Variants in MYH11 observed in about 807,000 individuals in gnomAD.
MYH11 encodes the protein myosin-11.
In MYH11, 80 loss-of-function variants were observed where a neutral mutation model predicts 246.6. That is an observed-to-expected ratio of 0.32 (90% CI 0.27 to 0.39). The LOEUF (loss-of-function observed/expected upper bound fraction) is 0.39, where lower values mean the gene tolerates loss of function less well. Among genes scored for constraint, MYH11 ranks in the 10% least tolerant of loss-of-function variants. The probability of loss-of-function intolerance (pLI) is 1.00; values close to 1 mark genes in which losing one functional copy is unlikely to be tolerated. For synonymous variants in MYH11, 1,071 were observed against 1,015.5 expected (o/e 1.05, Z -1.04); for missense variants, 2,158 against 2,546.8 (o/e 0.85, Z 3.29).
chr16:15,833,269 C>T (rs890980937), intron 2 of MYH11, among the ~76,000 whole-genome samples: 2 of 150,808 alleles, frequency 1.3e-5, no homozygotes, highest in African/African-American at 4.9e-5. Flanking sequence ...TGTACTCCAG[C>T]CTGGGCAACA....
intron 11 of MYH11, 150 bp downstream of exon 11, chr16:15,760,390 G>A: frequency 1.3e-6 from 1 of 746,224 alleles, no homozygotes; most frequent in Non-Finnish European, 2.4e-6. Context: ...AGATGAATGA[G>A]TGGGTAGAAA....
intron 40 of MYH11, chr16:15,713,322 C>G (rs1182703411): frequency 1.3e-5 from 2 of 152,088 alleles, no homozygotes; most frequent in East Asian, 3.9e-4. Flanking sequence ...GTGCACGTTT[C>G]ATGATCATTT....
At chr16:15,824,560 T>G (rs2043509342) in intron 2 of MYH11, among the ~76,000 whole-genome samples, 1 of 152,106 alleles carries the variant, frequency 6.6e-6, no homozygotes, top group Non-Finnish European at 1.5e-5. Flanking sequence ...GGATTACAGG[T>G]GGGAACCACC....
intron 3 of MYH11, among the ~76,000 whole-genome samples, chr16:15,809,182 T>C (rs2043082646): frequency 6.6e-6 from 1 of 152,194 alleles, no homozygotes; most frequent in Non-Finnish European, 1.5e-5. Context: ...GATGATTCAA[T>C]TCGTATTTAC....
At chr16:15,811,679 T>A (rs139883001) in intron 3 of MYH11, among the ~76,000 whole-genome samples, 318 of 152,034 alleles carry the variant, frequency 2.1e-3, no homozygotes, top group African/African-American at 5.5e-3. Flanking sequence ...GGGCTGCCAA[T>A]CTCAAGCAGA....
At chr16:15,717,015 A>C (rs535772076) in intron 38 of MYH11, 125 bp downstream of exon 38, 1 of 1,013,688 alleles carries the variant, frequency 9.9e-7, no homozygotes, top group East Asian at 2.4e-5. Context: ...CCTGCACTGT[A>C]GGCATCACAG....
intron 20 of MYH11, 150 bp downstream of exon 20, chr16:15,744,979 G>T: frequency 4.4e-6 from 3 of 688,934 alleles, no homozygotes; most frequent in Non-Finnish European, 7.9e-6. Flanking sequence ...GGGCCTCCTC[G>T]GGCCAGAGAA....
intron 1 of MYH11, among the ~76,000 whole-genome samples, chr16:15,844,747 G>A (rs2151388553): frequency 6.6e-6 from 1 of 152,214 alleles, no homozygotes; most frequent in South Asian, 2.1e-4. Flanking sequence ...GCTACTAGGA[G>A]GCTGAGGCAG....
intron 9 of MYH11, among the ~76,000 whole-genome samples, chr16:15,764,097 G>A (rs1318833746): frequency 6.6e-6 from 1 of 152,136 alleles, no homozygotes; most frequent in Non-Finnish European, 1.5e-5. Context: ...GCAAATTACA[G>A]CCCATGGACC....
chr16:15,761,310 A>G (rs1239324382), intron 10 of MYH11, among the ~76,000 whole-genome samples: 1 of 152,010 alleles, frequency 6.6e-6, no homozygotes, highest in East Asian at 1.9e-4. Flanking sequence ...ATGGAGTTAC[A>G]CCGTGTTGCC....
chr16:15,740,198 G>T lies in MYH11; in HGVS notation c.2860-10C>A. ...GCTGTTCTTCAAGGTCCTTTGTTGT[G>T]GAGGGAAAAGAGTAACAGCTTTGGT... On this transcript the variant is annotated splice_polypyrimidine_tract_variant and intron_variant, in intron 22 of 40. Coordinates refer to ENST00000300036, the MANE Select transcript of MYH11 (RefSeq NM_002474.3). The T allele has an allele frequency of 6.2e-7, 1 of 1,614,092 alleles. No individual in the cohort carries two copies.
chr16:15,741,459 T>G lies in MYH11; in HGVS notation c.2859+4A>C, dbSNP rs201513657. ...CACCACGGGCTGCCCCTGTGACACC[T>G]TACCAGCATCTGCTGGGCCATCTTC... On this transcript the variant is annotated splice_donor_region_variant and intron_variant, in intron 22 of 40. Coordinates refer to ENST00000300036, the MANE Select transcript of MYH11 (RefSeq NM_002474.3). The G allele has an allele frequency of 6.2e-7, 1 of 1,607,090 alleles. No individual in the cohort carries two copies. The highest frequency in any genetic ancestry group is 1.3e-5 in the African/African-American group (1 of 75,048).
At position 15,793,248 on chromosome 16, in the gene MYH11, A is replaced by G. The variant is rs140015123; in HGVS notation, c.530+5412T>C. Among the ~76,000 whole-genome samples the G allele has an allele frequency of 5.3e-3, 806 of 152,264 alleles. 7 individuals are homozygous for G. The highest frequency in any genetic ancestry group is 0.018 in the African/African-American group (764 of 41,552). On this transcript the variant is annotated intron_variant, in intron 4 of 40. Coordinates refer to ENST00000300036, the MANE Select transcript of MYH11 (RefSeq NM_002474.3). ...AAAATACAACTCAGGCCTAAAAATTACATTTATTCAGCTTTCAGTTTCCTT... is the reference window on the plus strand; with the variant it reads ...AAAATACAACTCAGGCCTAAAAATTGCATTTATTCAGCTTTCAGTTTCCTT...
rs116163254 is a variant in MYH11, at chr16:15,794,316, C to T, written c.530+4344G>A. Among the ~76,000 whole-genome samples, 379 of 152,338 alleles carry T rather than the reference C, an allele frequency of 2.5e-3. 1 individual carries two copies. The highest frequency in any genetic ancestry group is 8.9e-3 in the African/African-American group (368 of 41,568). On this transcript the variant is annotated intron_variant, in intron 4 of 40. Transcript: ENST00000300036. Reference sequence around the variant, plus strand: ...TGGCTTCTCTTAAGCACCAACTACGCGTAAAAGCTCAGCCCTGCTGTCAAC... The same window carrying T: ...TGGCTTCTCTTAAGCACCAACTACGTGTAAAAGCTCAGCCCTGCTGTCAAC...
intron 5 of MYH11, chr16:15,782,858 G>A (rs537294070): frequency 3.2e-4 from 63 of 199,994 alleles, no homozygotes; most frequent in Middle Eastern, 2.1e-3. Context: ...CATGGCAGTC[G>A]TGCTGCTGTT....
chr16:15,776,211 T>G (rs775483613), intron 7 of MYH11, 35 bp from the exon 8 acceptor site: 1 of 1,435,748 alleles, frequency 7.0e-7, no homozygotes, highest in Non-Finnish European at 9.8e-7. Flanking sequence ...CTGGGGATAC[T>G]GCGGGTGTTC....
In MYH11 at chr16:15,754,718, C is replaced by G. The variant is rs151026530; in HGVS notation, c.1750-1210G>C. 4.3e-4 allele frequency among the ~76,000 whole-genome samples: 65 copies of G among 152,326 alleles called. No homozygotes were observed. The East Asian group carries it at 0.011, about 26-fold the overall frequency. On this transcript the variant is annotated intron_variant, in intron 14 of 40. Coordinates refer to ENST00000300036, the MANE Select transcript of MYH11 (RefSeq NM_002474.3). The stretch of plus-strand genomic sequence containing the variant: ...GTTCTCTGTTGCCCAGTCTGGAGTG[C>G]AGTGGTGCAGTCTCAGCTCACTGCA...
chr16:15,793,326 C>A (rs985461000), intron 4 of MYH11, among the ~76,000 whole-genome samples: 3 of 152,050 alleles, frequency 2.0e-5, no homozygotes, highest in Admixed American at 2.0e-4. Flanking sequence ...CTGGGTCTTG[C>A]TCTGTTGCCC....
intron 14 of MYH11, among the ~76,000 whole-genome samples, chr16:15,755,454 G>C (rs906487449): frequency 1.3e-5 from 2 of 152,128 alleles, no homozygotes; most frequent in African/African-American, 4.8e-5. Context: ...CCGCCTGTTG[G>C]GTATAACTTG....
Sources: allele counts gnomAD v4.1 joint callset (sites outside exome capture counted in the v4.1 genomes callset), GRCh38; gene constraint gnomAD v4.1.1; transcripts MANE v1.5; gene names NCBI Gene and HGNC (gene_info 2026-07-23, HGNC 2026-07-21).